Variants in TGFBR1 observed in about 807,000 individuals in gnomAD.
TGFBR1 encodes the protein transforming growth factor beta receptor 1.
TGFBR1 carries 20 observed loss-of-function variants against 55.1 expected under a neutral mutation model. The ratio of observed to expected loss-of-function variants is 0.36; its 90% confidence interval spans 0.26 to 0.53. TGFBR1 has a LOEUF of 0.53. TGFBR1 is among the 20% of genes least tolerant of loss of function. TGFBR1 has a pLI of 0.91. For synonymous variants in TGFBR1, 220 were observed against 214.8 expected, an observed-to-expected ratio of 1.02 and a Z score of -0.21; for missense variants, 385 against 617.6, an observed-to-expected ratio of 0.62 and a Z score of 3.99.
Position 99,151,613 on chromosome 9 carries a change from A to G in TGFBR1, c.*2308A>G, listed in dbSNP as rs935474810. 5 of 229,850 alleles carry G rather than the reference A, an allele frequency of 2.2e-5. No homozygotes were observed. The highest frequency in any genetic ancestry group is 4.3e-5 in the Non-Finnish European group (5 of 115,770). 14.2% of individuals were successfully genotyped at this position (229,850 alleles called of 1,614,324 possible). A position where few individuals can be genotyped will look rare whatever the true frequency, so the allele number is the denominator to read the frequency against. On this transcript the variant is annotated 3_prime_UTR_variant, in exon 9 of 9. Transcript: ENST00000374994. ...GAAGATATTTTTTATTGAATCAAAG[A>G]TTGAGTTACAATTATACTTTTCTTA...
chr9:99,134,830 A>ATATACATATATATATATATATG (rs1827378633), intron 3 of TGFBR1, among the ~76,000 whole-genome samples: 1 of 112,508 alleles, frequency 8.9e-6, no homozygotes, highest in African/African-American at 3.2e-5. Flanking sequence ...ATATATATAT[A>ATATACATATATATATATATATG]TATATATATA....
At chr9:99,136,452 T>G (rs986394455) in intron 3 of TGFBR1, among the ~76,000 whole-genome samples, 4 of 152,218 alleles carry the variant, frequency 2.6e-5, no homozygotes, top group Non-Finnish European at 4.4e-5. Flanking sequence ...CTTTTAAGTC[T>G]GTGGTGTGGC....
At chr9:99,138,156 T>G (rs1564162270) in intron 4 of TGFBR1, 67 bp downstream of exon 4, 1 of 1,383,326 alleles carries the variant, frequency 7.2e-7, no homozygotes, top group Non-Finnish European at 1.0e-6. Flanking sequence ...ACAGATATGG[T>G]GACTAACCAT....
intron 4 of TGFBR1, among the ~76,000 whole-genome samples, 194 bp from the exon 5 acceptor site, chr9:99,142,342 T>C (rs2118774282): frequency 6.6e-6 from 1 of 152,286 alleles, no homozygotes; most frequent in Middle Eastern, 3.4e-3. Context: ...AGGGGCTTAC[T>C]CTGAGGAACT....
chr9:99,118,742 G>T (rs1360315712), intron 1 of TGFBR1, among the ~76,000 whole-genome samples: 1 of 151,146 alleles, frequency 6.6e-6, no homozygotes, highest in Non-Finnish European at 1.5e-5. Flanking sequence ...AACTCCTGGG[G>T]CTCAAGTGAT....
At chr9:99,106,292 G>C (rs958408871) in intron 1 of TGFBR1, among the ~76,000 whole-genome samples, 3 of 152,146 alleles carry the variant, frequency 2.0e-5, no homozygotes, top group African/African-American at 7.2e-5. Flanking sequence ...GTAGGTGGTT[G>C]GTATCCACAA....
chr9:99,144,825 T>A lies in TGFBR1; in HGVS notation c.1067T>A (p.Val356Glu). 1 of 1,614,038 alleles carries A rather than the reference T, an allele frequency of 6.2e-7. No individual in the cohort carries two copies. Residue 356 changes from valine (V) to glutamate (E), a missense_variant, in exon 6 of 9, where the codon GTA (valine) becomes GAA (glutamate). This residue lies in a region of TGFBR1 where 85 missense variants were observed against 228.4 expected (regional missense o/e 0.37). Transcript: ENST00000374994. The part of the protein sequence containing the change: ...TCCIADLGLA[V>E]RHDSATDTID... ...TGTATTGCAGACTTAGGACTGGCAG[T>A]AAGACATGATTCAGCCACAGATACC...
intron 8 of TGFBR1, among the ~76,000 whole-genome samples, chr9:99,148,067 G>C (rs1299390689): frequency 6.6e-6 from 1 of 152,144 alleles, no homozygotes; most frequent in African/African-American, 2.4e-5. Context: ...CCCTTCAGCC[G>C]GGGCAACCCA....
rs1193672732 is a variant in TGFBR1, at chr9:99,152,962, A to G, written c.*3657A>G. 4.4e-6 allele frequency: 1 copy of G among 229,092 alleles called. No individual in the cohort carries two copies. The highest frequency in any genetic ancestry group is 8.7e-6 in the Non-Finnish European group (1 of 115,244). The allele number at this position is 229,092 out of a possible 1,614,324, so 14.2% of individuals were successfully genotyped here. ...TTTGTAAATGTAAACTTCTAAAAAT[A>G]TGGTTAATAACATTCAACCTGTTTA... On this transcript the variant is annotated 3_prime_UTR_variant, in exon 9 of 9. Transcript: ENST00000374994.
intron 1 of TGFBR1, among the ~76,000 whole-genome samples, chr9:99,107,043 A>C (rs1364902902): frequency 6.6e-6 from 1 of 152,232 alleles, no homozygotes; most frequent in East Asian, 1.9e-4. Flanking sequence ...CAGAAGTAGC[A>C]CAAGAAGCGT....
chr9:99,124,745 T>G (rs1826988237), intron 1 of TGFBR1, among the ~76,000 whole-genome samples: 1 of 152,100 alleles, frequency 6.6e-6, no homozygotes, highest in African/African-American at 2.4e-5. Context: ...AAGAGAGAAA[T>G]CTTTACCTAG....
intron 1 of TGFBR1, among the ~76,000 whole-genome samples, chr9:99,113,593 A>G (rs897588425): frequency 6.6e-6 from 1 of 152,240 alleles, no homozygotes; most frequent in African/African-American, 2.4e-5. Flanking sequence ...ACTTTTCAAA[A>G]GAGGATAGTT....
intron 1 of TGFBR1, among the ~76,000 whole-genome samples, chr9:99,119,879 A>G (rs1826848565): frequency 6.6e-6 from 1 of 152,170 alleles, no homozygotes; most frequent in Non-Finnish European, 1.5e-5. Flanking sequence ...TATGGTTTAT[A>G]TTGTGTTCTG....
chr9:99,113,091 A>G (rs545595909), intron 1 of TGFBR1, among the ~76,000 whole-genome samples: 6 of 152,124 alleles, frequency 3.9e-5, no homozygotes, highest in Non-Finnish European at 5.9e-5. Context: ...GGTTCATGCT[A>G]TTTTTCCCCC....
At chr9:99,110,158 T>C (rs911975463) in intron 1 of TGFBR1, among the ~76,000 whole-genome samples, 1 of 152,198 alleles carries the variant, frequency 6.6e-6, no homozygotes, top group African/African-American at 2.4e-5. Flanking sequence ...TAAGTTCAGT[T>C]GGTTTTATGG....
At chr9:99,105,079 G>C (rs1338240345), upstream of TGFBR1, 6 of 701,212 alleles carry the variant, frequency 8.6e-6, no homozygotes, top group Non-Finnish European at 9.0e-6. Flanking sequence ...CGCGTCCTCC[G>C]AGCAGTTACA....
intron 2 of TGFBR1, among the ~76,000 whole-genome samples, chr9:99,129,817 T>C (rs960629210): frequency 6.6e-6 from 1 of 152,092 alleles, no homozygotes; most frequent in Non-Finnish European, 1.5e-5. Context: ...CAACAATCTT[T>C]GAACCTGGGA....
Position 99,152,185 on chromosome 9 carries a change from C to A in TGFBR1, c.*2880C>A, listed in dbSNP as rs886063247. The A allele has an allele frequency of 9.6e-6, 2 of 208,144 alleles. No homozygotes were observed. Among genetic ancestry groups the A allele is most frequent in the African/African-American group, 4.5e-5 (2 of 43,958 alleles). The allele number at this position is 208,144 out of a possible 1,614,324, so 12.9% of individuals were successfully genotyped here. A position where few individuals can be genotyped will look rare whatever the true frequency, so the allele number is the denominator to read the frequency against. On this transcript the variant is annotated 3_prime_UTR_variant, in exon 9 of 9. Coordinates refer to ENST00000374994, the MANE Select transcript of TGFBR1 (RefSeq NM_004612.4). ...CGGCTGATGGAAGTTGTGGGACCCA[C>A]TTCCATTTCCTTCAGTCATTAGAGG...
chr9:99,142,437 A>T (rs1462528850), intron 4 of TGFBR1, 99 bp from the exon 5 acceptor site: 1 of 1,274,028 alleles, frequency 7.8e-7, no homozygotes, highest in African/African-American at 1.5e-5. Flanking sequence ...ATTATATTGC[A>T]GTGTGTGACT....
Sources: allele counts gnomAD v4.1 joint callset (sites outside exome capture counted in the v4.1 genomes callset), GRCh38; gene constraint gnomAD v4.1.1; regional missense constraint gnomAD v4.1.1; transcripts MANE v1.5; gene names NCBI Gene and HGNC (gene_info 2026-07-23, HGNC 2026-07-21).